Variants in SPMAP2L observed in about 807,000 individuals in gnomAD.
SPMAP2L encodes the protein sperm microtubule associated protein 2 like, also known as sperm microtubule associated protein 2-like.
the SPMAP2L span, among the ~76,000 whole-genome samples, chr4:56,600,418 T>C: frequency 2.6e-5 from 4 of 152,038 alleles, no homozygotes; most frequent in African/African-American, 9.7e-5. Flanking sequence ...CTCAGCCTCC[T>C]GAGTAGCTGG....
chr4:56,603,287 A>G, the SPMAP2L span: 2 of 1,534,682 alleles, frequency 1.3e-6, no homozygotes, highest in Non-Finnish European at 8.7e-7. Flanking sequence ...AGTGTTCTCA[A>G]AGGATCTGGG....
At chr4:56,598,448 G>A in the SPMAP2L span, among the ~76,000 whole-genome samples, 1 of 152,162 alleles carries the variant, frequency 6.6e-6, no homozygotes, top group African/African-American at 2.4e-5. Flanking sequence ...GTTGACATGT[G>A]CTATGAAGAA....
the SPMAP2L span, among the ~76,000 whole-genome samples, chr4:56,532,578 A>G: frequency 6.6e-6 from 1 of 152,236 alleles, no homozygotes; most frequent in South Asian, 2.1e-4. Context: ...CCCTTCCACC[A>G]GCATCACCCC....
the SPMAP2L span, among the ~76,000 whole-genome samples, chr4:56,545,020 G>A: frequency 0.11 from 16,163 of 152,228 alleles, 943 homozygotes; most frequent in East Asian, 0.2. Context: ...CCCGCCCGGC[G>A]CAGCTGTGTC....
chr4:56,583,513 C>T, the SPMAP2L span, among the ~76,000 whole-genome samples: 1 of 152,098 alleles, frequency 6.6e-6, no homozygotes, highest in Non-Finnish European at 1.5e-5. Context: ...TAATAGCCTA[C>T]CCCTAGAGAG....
the SPMAP2L span, among the ~76,000 whole-genome samples, chr4:56,543,102 T>G: frequency 6.7e-6 from 1 of 148,880 alleles, no homozygotes; most frequent in Non-Finnish European, 1.5e-5. Flanking sequence ...ATGTTTTGCT[T>G]TTTTTTTTTT....
chr4:56,610,927 T>A, the SPMAP2L span, among the ~76,000 whole-genome samples: 1 of 152,024 alleles, frequency 6.6e-6, no homozygotes, highest in Non-Finnish European at 1.5e-5. Context: ...ATGGCCATAA[T>A]AAGAAAATAA....
the SPMAP2L span, chr4:56,584,354 G>C: frequency 8.5e-6 from 5 of 591,708 alleles, no homozygotes; most frequent in Non-Finnish European, 1.5e-5. Context: ...CAATCTGATA[G>C]AAAGAGCATG....
At chr4:56,614,659 A>G in the SPMAP2L span, among the ~76,000 whole-genome samples, 6 of 152,190 alleles carry the variant, frequency 3.9e-5, no homozygotes, top group South Asian at 1.2e-3. Context: ...TCTAAAAAAA[A>G]AAAGTTTTCT....
At chr4:56,595,711 C>T in the SPMAP2L span, 2 of 1,029,406 alleles carry the variant, frequency 1.9e-6, no homozygotes, top group East Asian at 2.4e-5. Flanking sequence ...CAAAAGAGGG[C>T]CTCTTCTTAG....
chr4:56,540,567 A>C, the SPMAP2L span, among the ~76,000 whole-genome samples: 2 of 151,706 alleles, frequency 1.3e-5, no homozygotes, highest in African/African-American at 4.9e-5. Context: ...GCCATATAAT[A>C]CCTTCTGATC....
chr4:56,560,950 T>G, the SPMAP2L span, among the ~76,000 whole-genome samples: 1 of 152,168 alleles, frequency 6.6e-6, no homozygotes, highest in Non-Finnish European at 1.5e-5. Context: ...CTTGCCATGT[T>G]GGCCAGGCTG....
At chr4:56,613,169 C>T in the SPMAP2L span, among the ~76,000 whole-genome samples, 1 of 152,120 alleles carries the variant, frequency 6.6e-6, no homozygotes, top group African/African-American at 2.4e-5. Flanking sequence ...AGACATGTTA[C>T]GGGCAGTAAG....
chr4:56,561,236 T>C, the SPMAP2L span, among the ~76,000 whole-genome samples: 1 of 152,240 alleles, frequency 6.6e-6, no homozygotes, highest in Non-Finnish European at 1.5e-5. Flanking sequence ...ACATGATTAA[T>C]CTTCTTTCTA....
At chr4:56,537,683 A>ATTTCT in the SPMAP2L span, among the ~76,000 whole-genome samples, 1 of 150,846 alleles carries the variant, frequency 6.6e-6, no homozygotes, top group Non-Finnish European at 1.5e-5. Context: ...TCTCACCTGG[A>ATTTCT]TTTCTTTTCT....
chr4:56,570,797 A>ATTAT, the SPMAP2L span, among the ~76,000 whole-genome samples: 680 of 151,756 alleles, frequency 4.5e-3, 13 homozygotes, highest in South Asian at 0.044. Context: ...TAAAATTTTT[A>ATTAT]TTATTTATTT....
At chr4:56,621,469 C>T in the SPMAP2L span, among the ~76,000 whole-genome samples, 2,168 of 152,228 alleles carry the variant, frequency 0.014, 38 homozygotes, top group South Asian at 0.058. Flanking sequence ...CTTGAGCAAA[C>T]ATCTCATAAC....
chr4:56,586,006 A>G, the SPMAP2L span, among the ~76,000 whole-genome samples: 1 of 152,110 alleles, frequency 6.6e-6, no homozygotes, highest in African/African-American at 2.4e-5. Flanking sequence ...CAATGATTTT[A>G]TTATGTTCAA....
the SPMAP2L span, chr4:56,593,831 G>A: frequency 1.9e-6 from 3 of 1,610,526 alleles, no homozygotes; most frequent in East Asian, 2.2e-5. Flanking sequence ...GGCGAATATG[G>A]CAGCCATGTT....
Sources: gnomAD v4.1 joint callset for allele counts (sites outside exome capture counted in the v4.1 genomes callset) on GRCh38, gnomAD v4.1.1 for gene constraint, MANE v1.5 for transcripts, NCBI Gene and HGNC (gene_info 2026-07-23, HGNC 2026-07-21) for gene names.